INPP4B: variants seen among roughly 807,000 people sequenced by gnomAD.
INPP4B encodes the protein inositol polyphosphate-4-phosphatase type II B.
INPP4B carries 55 observed loss-of-function variants against 122.5 expected under a neutral mutation model. The observed-to-expected ratio is 0.45, with a 90% CI of 0.36 to 0.56. INPP4B has a LOEUF of 0.56. Among genes scored for constraint, INPP4B ranks in the 20% least tolerant of loss-of-function variants. The pLI is 0.00. For synonymous variants in INPP4B, 403 were observed against 388.7 expected (o/e 1.04, Z -0.43); for missense variants, 1,000 against 1,097.7 (o/e 0.91, Z 1.26).
At chr4:142,659,488 G>A (rs1021498430) in intron 2 of INPP4B, among the ~76,000 whole-genome samples, 1 of 152,044 alleles carries the variant, frequency 6.6e-6, no homozygotes, top group Non-Finnish European at 1.5e-5. Context: ...AAACTCATTA[G>A]TTGTTTTTAA....
At chr4:142,482,565 C>T (rs1231854476) in intron 2 of INPP4B, among the ~76,000 whole-genome samples, 2 of 152,086 alleles carry the variant, frequency 1.3e-5, no homozygotes, top group African/African-American at 4.8e-5. Context: ...TATTTAATAA[C>T]TCCAAAGTAA....
At chr4:142,187,894 C>T (rs1833875304) in intron 15 of INPP4B, among the ~76,000 whole-genome samples, 3 of 151,930 alleles carry the variant, frequency 2.0e-5, no homozygotes, top group Admixed American at 6.6e-5. Flanking sequence ...TCATGCCTGG[C>T]CTATATTATG....
intron 4 of INPP4B, 23 bp downstream of exon 4, chr4:142,431,146 G>A (rs2149372856): frequency 1.9e-6 from 3 of 1,576,514 alleles, no homozygotes; most frequent in Non-Finnish European, 2.6e-6. Context: ...TGCAAAAACA[G>A]GGAGGGATAC....
intron 7 of INPP4B, among the ~76,000 whole-genome samples, chr4:142,341,740 C>T (rs919744988): frequency 6.6e-6 from 1 of 152,134 alleles, no homozygotes; most frequent in African/African-American, 2.4e-5. Context: ...CAAACTGGTA[C>T]TTATGGACTT....
chr4:142,829,539 T>A (rs905670178), intron 1 of INPP4B, among the ~76,000 whole-genome samples: 5 of 152,154 alleles, frequency 3.3e-5, no homozygotes, highest in Non-Finnish European at 5.9e-5. Flanking sequence ...CCTGAGTTTC[T>A]GCACTATTCC....
At chr4:142,746,174 T>C (rs575420950) in intron 1 of INPP4B, among the ~76,000 whole-genome samples, 1 of 151,992 alleles carries the variant, frequency 6.6e-6, no homozygotes, top group East Asian at 1.9e-4. Flanking sequence ...ATATTCATCA[T>C]GATAGGACAT....
At chr4:142,621,391 A>G (rs1267850142) in intron 2 of INPP4B, among the ~76,000 whole-genome samples, 1 of 151,982 alleles carries the variant, frequency 6.6e-6, no homozygotes, top group Non-Finnish European at 1.5e-5. Context: ...GATGATTACA[A>G]CCACACACCA....
chr4:142,781,987 T>C (rs530814834), intron 1 of INPP4B, among the ~76,000 whole-genome samples: 121 of 152,052 alleles, frequency 8.0e-4, no homozygotes, highest in African/African-American at 2.8e-3. Flanking sequence ...TTAATTTATT[T>C]TATTATTATT....
At chr4:142,810,348 T>C (rs563071564) in intron 1 of INPP4B, among the ~76,000 whole-genome samples, 1 of 152,184 alleles carries the variant, frequency 6.6e-6, no homozygotes, top group Non-Finnish European at 1.5e-5. Flanking sequence ...TATTTAATTA[T>C]AGAATAGTAT....
intron 9 of INPP4B, among the ~76,000 whole-genome samples, chr4:142,296,571 T>G (rs1455974037): frequency 6.6e-6 from 1 of 152,230 alleles, no homozygotes; most frequent in East Asian, 1.9e-4. Flanking sequence ...GTTGTAAGAA[T>G]TTCACATTAG....
intron 2 of INPP4B, among the ~76,000 whole-genome samples, chr4:142,704,908 C>T (rs1762274570): frequency 6.6e-6 from 1 of 152,174 alleles, no homozygotes; most frequent in Non-Finnish European, 1.5e-5. Context: ...TTGCTTCTAC[C>T]TTCCCTGATT....
At chr4:142,503,801 C>A (rs1297593128) in intron 2 of INPP4B, among the ~76,000 whole-genome samples, 10 of 151,816 alleles carry the variant, frequency 6.6e-5, no homozygotes, top group Admixed American at 6.6e-4. Context: ...ATAAACAGAT[C>A]AATGGAAAGA....
At chr4:142,512,669 C>A (rs1223462160) in intron 2 of INPP4B, among the ~76,000 whole-genome samples, 2 of 152,052 alleles carry the variant, frequency 1.3e-5, no homozygotes, top group Non-Finnish European at 2.9e-5. Context: ...CTTTAGTCGT[C>A]GTCATCATCA....
intron 2 of INPP4B, among the ~76,000 whole-genome samples, chr4:142,582,253 A>G (rs1413897014): frequency 6.6e-6 from 1 of 152,132 alleles, no homozygotes; most frequent in Non-Finnish European, 1.5e-5. Flanking sequence ...AAATGTTACT[A>G]AAGTATAAAT....
chr4:142,492,705 A>T (rs1256258235), intron 2 of INPP4B, among the ~76,000 whole-genome samples: 1 of 152,282 alleles, frequency 6.6e-6, no homozygotes, highest in Admixed American at 6.5e-5. Flanking sequence ...AATTTCTAAG[A>T]GGCAAAGCAT....
rs1795075641 is a variant in INPP4B at position 142,383,946 on chromosome 4, T to C, written c.372+18992A>G. The C allele has an allele frequency of 2.8e-5, 17 of 602,558 alleles. No individual in the cohort carries two copies. The South Asian group carries it at 3.2e-4, about 11-fold the overall frequency. The allele number at this position is 602,558 out of a possible 1,614,324, so 37.3% of individuals were successfully genotyped here. A position where few individuals can be genotyped will look rare whatever the true frequency, so the allele number is the denominator to read the frequency against. On this transcript the variant is annotated intron_variant, in intron 7 of 25. Coordinates refer to ENST00000262992, the MANE Select transcript of INPP4B (RefSeq NM_001101669.3). ...CAGCTATTTCACAAGAAAACTGTTG[T>C]GTCTCATTAAGTTACCATCGTGCAG...
intron 2 of INPP4B, among the ~76,000 whole-genome samples, chr4:142,652,356 A>T (rs1467311151): frequency 2.0e-5 from 3 of 152,130 alleles, no homozygotes; most frequent in Non-Finnish European, 4.4e-5. Flanking sequence ...ACATACTGTT[A>T]GAAGTTCTGG....
At chr4:142,426,135 A>T (rs994832299) in intron 5 of INPP4B, among the ~76,000 whole-genome samples, 1 of 152,030 alleles carries the variant, frequency 6.6e-6, no homozygotes, top group African/African-American at 2.4e-5. Context: ...ACATACAAAA[A>T]TATGAAGACA....
intron 1 of INPP4B, among the ~76,000 whole-genome samples, chr4:142,833,582 T>C (rs1177158659): frequency 6.6e-6 from 1 of 152,030 alleles, no homozygotes; most frequent in Non-Finnish European, 1.5e-5. Flanking sequence ...AAATGGTTAT[T>C]ATCCTTATAC....
Sources: gnomAD v4.1 joint callset for allele counts (sites outside exome capture counted in the v4.1 genomes callset) on GRCh38, gnomAD v4.1.1 for gene constraint, MANE v1.5 for transcripts, NCBI Gene and HGNC (gene_info 2026-07-23, HGNC 2026-07-21) for gene names.